Variants in SLCO5A1 observed in about 807,000 individuals in gnomAD.
The protein encoded by SLCO5A1 is solute carrier organic anion transporter family member 5A1.
In SLCO5A1, 39 loss-of-function variants were observed where a neutral mutation model predicts 65.1. The observed-to-expected ratio is 0.60, with a 90% CI of 0.46 to 0.78. The LOEUF (loss-of-function observed/expected upper bound fraction) is 0.78, where lower values mean the gene tolerates loss of function less well. Ranked by LOEUF, SLCO5A1 falls within the 30% of genes least tolerant of loss-of-function variation. The pLI, the probability that SLCO5A1 is intolerant of heterozygous loss-of-function variation, is 0.00. For synonymous variants in SLCO5A1, 438 were observed against 415.7 expected (o/e 1.05, Z -0.65); for missense variants, 1,029 against 1,069.4 (o/e 0.96, Z 0.53).
chr8:69,828,534 G>A (rs4738030), intron 2 of SLCO5A1, among the ~76,000 whole-genome samples: 9,244 of 151,902 alleles, frequency 0.061, 434 homozygotes, highest in East Asian at 0.25. Flanking sequence ...CCTGGAAGGC[G>A]GAGCTTCCAG....
At chr8:69,828,475 G>A (rs1260083663) in intron 2 of SLCO5A1, among the ~76,000 whole-genome samples, 9 of 151,856 alleles carry the variant, frequency 5.9e-5, no homozygotes, top group African/African-American at 9.7e-5. Flanking sequence ...GGTGGTGGGC[G>A]CCTGTAGTCC....
At chr8:69,726,318 T>A (rs1271800076) in intron 5 of SLCO5A1, among the ~76,000 whole-genome samples, 1 of 152,120 alleles carries the variant, frequency 6.6e-6, no homozygotes, top group Non-Finnish European at 1.5e-5. Context: ...AGTAAATAAA[T>A]CAGAGATATA....
chr8:69,819,479 A>T (rs1820546691), intron 2 of SLCO5A1, among the ~76,000 whole-genome samples: 1 of 152,040 alleles, frequency 6.6e-6, no homozygotes. Context: ...CTGCAACCTC[A>T]CTTCTATCGG....
intron 4 of SLCO5A1, among the ~76,000 whole-genome samples, chr8:69,750,612 G>GCTCT (rs1327817753): frequency 6.6e-6 from 1 of 152,030 alleles, no homozygotes; most frequent in African/African-American, 2.4e-5. Flanking sequence ...TCTGGCCTTT[G>GCTCT]CTCTCTCTGC....
At chr8:69,782,999 A>G (rs185618884) in intron 2 of SLCO5A1, among the ~76,000 whole-genome samples, 79 of 152,278 alleles carry the variant, frequency 5.2e-4, no homozygotes, top group Middle Eastern at 3.4e-3. Flanking sequence ...GTGCTTCCTC[A>G]TCTATAAATA....
In SLCO5A1 at chr8:69,668,355, C is replaced by T. The variant is rs1393192774; in HGVS notation, c.*4514G>A. The T allele has an allele frequency of 6.6e-6, 1 of 152,162 alleles. No homozygotes were observed. The highest frequency in any genetic ancestry group is 1.5e-5 in the Non-Finnish European group (1 of 68,028). The allele number at this position is 152,162 out of a possible 1,614,324, so 9.4% of individuals were successfully genotyped here. On this transcript the variant is annotated 3_prime_UTR_variant, in exon 10 of 10. Transcript: ENST00000260126. The stretch of plus-strand genomic sequence containing the variant: ...AAAACACAAATGTGTGGAAAGGCTA[C>T]CTACTGGTCTGTATAACAGAGAACT...
chr8:69,783,862 T>G (rs1818905671), intron 2 of SLCO5A1, among the ~76,000 whole-genome samples: 1 of 152,158 alleles, frequency 6.6e-6, no homozygotes. Context: ...GCCCATAAGA[T>G]GTACACCAAG....
At chr8:69,820,787 C>T (rs1048957961) in intron 2 of SLCO5A1, among the ~76,000 whole-genome samples, 6 of 151,952 alleles carry the variant, frequency 3.9e-5, no homozygotes, top group African/African-American at 1.5e-4. Context: ...ATATTAAAAT[C>T]ATATATGTGT....
intron 2 of SLCO5A1, among the ~76,000 whole-genome samples, chr8:69,810,787 C>A (rs182697740): frequency 2.7e-4 from 41 of 152,116 alleles, no homozygotes; most frequent in Non-Finnish European, 8.8e-5. Context: ...TAAAAGAAAT[C>A]TAAAATTTCC....
At chr8:69,770,148 A>G (rs1818254014) in intron 2 of SLCO5A1, among the ~76,000 whole-genome samples, 1 of 152,126 alleles carries the variant, frequency 6.6e-6, no homozygotes, top group South Asian at 2.1e-4. Flanking sequence ...AACATTTGCT[A>G]TGTCTAAATG....
chr8:69,752,131 G>T (rs1345927184), intron 4 of SLCO5A1, among the ~76,000 whole-genome samples: 3 of 152,096 alleles, frequency 2.0e-5, no homozygotes, highest in African/African-American at 7.2e-5. Context: ...CTGGGGAGCT[G>T]AGCCAGGAAG....
In SLCO5A1 at chr8:69,745,153, TTTTC is replaced by T. The variant is rs139349865; in HGVS notation, c.1259-6953_1259-6950del. On this transcript the variant is annotated intron_variant, in intron 4 of 9. Coordinates refer to ENST00000260126, the MANE Select transcript of SLCO5A1 (RefSeq NM_030958.3). ...AGTGAATGCATAGCATAATCTGACATTTTCTTCAAGATTCAAAATCATAATTAGG... is the reference window on the plus strand; with the variant it reads ...AGTGAATGCATAGCATAATCTGACATTTCAAGATTCAAAATCATAATTAGG... 3.7e-3 allele frequency among the ~76,000 whole-genome samples: 564 copies of T among 152,348 alleles called. 5 individuals carry two copies. The highest frequency in any genetic ancestry group is 0.012 in the African/African-American group (519 of 41,588).
chr8:69,831,657 A>G (rs1453322789), intron 2 of SLCO5A1, 110 bp downstream of exon 2: 2 of 1,189,624 alleles, frequency 1.7e-6, no homozygotes, highest in Non-Finnish European at 2.3e-6. Context: ...AGTGAACTTT[A>G]ATCTATAATA....
intron 3 of SLCO5A1, 182 bp downstream of exon 3, chr8:69,761,561 T>C: frequency 1.7e-6 from 1 of 605,732 alleles, no homozygotes; most frequent in Non-Finnish European, 2.8e-6. Flanking sequence ...AACATATTCA[T>C]AGGTTCTGGG....
intron 2 of SLCO5A1, among the ~76,000 whole-genome samples, chr8:69,822,150 A>G (rs1321545694): frequency 1.3e-5 from 2 of 152,180 alleles, no homozygotes; most frequent in South Asian, 2.1e-4. Context: ...ATAGAAAATA[A>G]AAAATAAAAA....
At chr8:69,801,997 C>A (rs112343884) in intron 2 of SLCO5A1, among the ~76,000 whole-genome samples, 1 of 152,156 alleles carries the variant, frequency 6.6e-6, no homozygotes, top group South Asian at 2.1e-4. Flanking sequence ...CTCTGCTCCT[C>A]AGTTTTCCCA....
Position 69,679,390 on chromosome 8 carries a change from A to T in SLCO5A1, c.2012T>A (p.Ile671Lys). ...ATGCTGTTCTCACCTGAGTGTTACT[A>T]TGATAGCTGATGGTTGGGCACATGC... ...ITACAQPSAI[I>K]VTLRSVEDEE... The change falls in exon 8 of 10, where the codon ATA becomes AAA. Residue 671 changes from isoleucine to lysine, a missense_variant. Physicochemically the swap from Ile to Lys is moderately radical, Grantham distance 102. Coordinates refer to ENST00000260126, the MANE Select transcript of SLCO5A1 (RefSeq NM_030958.3). 6.2e-7 allele frequency: 1 copy of T among 1,614,218 alleles called. No individual in the cohort carries two copies. The highest frequency in any genetic ancestry group is 8.5e-7 in the Non-Finnish European group (1 of 1,180,038).
intron 2 of SLCO5A1, among the ~76,000 whole-genome samples, chr8:69,782,621 A>G (rs1217402593): frequency 6.6e-6 from 1 of 150,418 alleles, no homozygotes; most frequent in Non-Finnish European, 1.5e-5. Flanking sequence ...TATTTTTGTT[A>G]TCTGACAATA....
At position 69,768,778 on chromosome 8, in the gene SLCO5A1, G is replaced by A. The variant is rs539900489; in HGVS notation, c.908-6903C>T. Among the ~76,000 whole-genome samples, 3 of 152,192 alleles carry A rather than the reference G, an allele frequency of 2.0e-5. No individual in the cohort carries two copies. The East Asian group carries it at 5.8e-4, about 29-fold the overall frequency. ...CCCTCTCCACATACAATCACACTGG[G>A]GGTCAAGGCTTCAACATATGAATCC... On this transcript the variant is annotated intron_variant, in intron 2 of 9. Coordinates refer to ENST00000260126, the MANE Select transcript of SLCO5A1 (RefSeq NM_030958.3).
Sources: allele counts gnomAD v4.1 joint callset (sites outside exome capture counted in the v4.1 genomes callset), GRCh38; gene constraint gnomAD v4.1.1; transcripts MANE v1.5; gene names NCBI Gene and HGNC (gene_info 2026-07-23, HGNC 2026-07-21).